The following RPS6KA5 variants were observed in gnomAD, a reference collection of about 807,000 sequenced individuals.
The protein encoded by RPS6KA5 is ribosomal protein S6 kinase A5, also known as ribosomal protein S6 kinase alpha-5.
In RPS6KA5, 27 loss-of-function variants were observed where a neutral mutation model predicts 85.5. The ratio of observed to expected loss-of-function variants is 0.32; its 90% CI spans 0.23 to 0.44. The LOEUF is 0.44. Among genes scored for constraint, RPS6KA5 ranks in the 20% least tolerant of loss-of-function variants. The pLI is 1.00. For synonymous variants in RPS6KA5, 334 were observed against 348.2 expected (o/e 0.96, Z 0.46); for missense variants, 811 against 980.9 (o/e 0.83, Z 2.31).
intron 14 of RPS6KA5, among the ~76,000 whole-genome samples, chr14:90,877,458 G>C (rs1426549738): frequency 6.6e-6 from 1 of 152,124 alleles, no homozygotes; most frequent in Non-Finnish European, 1.5e-5. Flanking sequence ...GCCTCCACCT[G>C]CCCCCAACCT....
intron 3 of RPS6KA5, among the ~76,000 whole-genome samples, chr14:90,965,361 G>A (rs28366395): frequency 0.01 from 1,589 of 152,218 alleles, 12 homozygotes; most frequent in South Asian, 0.034. Context: ...GCGACAGAGC[G>A]AGACTCTGTC....
intron 1 of RPS6KA5, among the ~76,000 whole-genome samples, chr14:91,004,713 A>G (rs2040936009): frequency 6.6e-6 from 1 of 151,914 alleles, no homozygotes; most frequent in Admixed American, 6.6e-5. Flanking sequence ...CACACCTGTA[A>G]TCCCAACACT....
At chr14:91,059,265 G>A (rs2043502191) in intron 1 of RPS6KA5, among the ~76,000 whole-genome samples, 1 of 147,382 alleles carries the variant, frequency 6.8e-6, no homozygotes, top group Admixed American at 7.1e-5. Context: ...GCTTGAACCC[G>A]GGAGGCGGAG....
intron 6 of RPS6KA5, among the ~76,000 whole-genome samples, chr14:90,922,286 C>T (rs1021145344): frequency 3.9e-5 from 6 of 152,056 alleles, no homozygotes; most frequent in East Asian, 1.9e-4. Context: ...TATATGTTTC[C>T]GAATGTTTTT....
chr14:91,018,476 C>T (rs182541124), intron 1 of RPS6KA5, among the ~76,000 whole-genome samples: 6 of 152,328 alleles, frequency 3.9e-5, no homozygotes, highest in Middle Eastern at 3.4e-3. Context: ...TGTGGGTGGG[C>T]ACCACCATCC....
chr14:90,916,225 G>A (rs1232123295), intron 7 of RPS6KA5, among the ~76,000 whole-genome samples: 2 of 152,250 alleles, frequency 1.3e-5, no homozygotes, highest in Middle Eastern at 6.8e-3. Context: ...ACACCTTATA[G>A]AAGCTCCATC....
intron 14 of RPS6KA5, among the ~76,000 whole-genome samples, chr14:90,879,862 C>A (rs1333024242): frequency 6.7e-6 from 1 of 149,588 alleles, no homozygotes; most frequent in African/African-American, 2.5e-5. Flanking sequence ...CGGCTCACTG[C>A]AACCCCTGCC....
At chr14:90,921,429 T>C (rs1463246990) in intron 6 of RPS6KA5, among the ~76,000 whole-genome samples, 1 of 152,186 alleles carries the variant, frequency 6.6e-6, no homozygotes, top group Non-Finnish European at 1.5e-5. Flanking sequence ...ATGTAGAAAT[T>C]CTAGGAGTAA....
intron 1 of RPS6KA5, among the ~76,000 whole-genome samples, chr14:91,021,412 A>G (rs1462034198): frequency 6.6e-6 from 1 of 152,110 alleles, no homozygotes; most frequent in African/African-American, 2.4e-5. Flanking sequence ...AGGCTGAAGC[A>G]GGAGGATTGC....
intron 1 of RPS6KA5, among the ~76,000 whole-genome samples, chr14:91,034,583 T>A (rs2042322382): frequency 2.0e-5 from 3 of 152,128 alleles, no homozygotes; most frequent in Admixed American, 1.3e-4. Flanking sequence ...CGGTACTCTG[T>A]AAAATGGACC....
At position 90,862,741 on chromosome 14, in the gene RPS6KA5, G is replaced by T. The variant is rs1443393912; in HGVS notation, c.*9333C>A. 6.6e-6 allele frequency: 1 copy of T among 152,128 alleles called. No individual in the cohort carries two copies. Among genetic ancestry groups the T allele is most frequent in the Non-Finnish European group, 1.5e-5 (1 of 68,052 alleles). The allele number at this position is 152,128 out of a possible 1,614,324, so 9.4% of individuals were successfully genotyped here. On this transcript the variant is annotated 3_prime_UTR_variant, in exon 17 of 17. Coordinates refer to ENST00000614987, the MANE Select transcript of RPS6KA5 (RefSeq NM_004755.4). ...GCCTCCCAAAGTGTTGGGATTACAG[G>T]TGTGAGATACCACACCCAGTCTAGG...
intron 8 of RPS6KA5, among the ~76,000 whole-genome samples, chr14:90,904,106 T>C (rs760529132): frequency 9.4e-4 from 143 of 152,268 alleles, no homozygotes; most frequent in Admixed American, 7.9e-4. Flanking sequence ...ACCGCCACCA[T>C]GCCCGGCTAA....
intron 14 of RPS6KA5, among the ~76,000 whole-genome samples, chr14:90,879,735 C>T (rs1011103962): frequency 3.3e-5 from 5 of 151,656 alleles, no homozygotes; most frequent in African/African-American, 4.9e-5. Context: ...CTTCAGGTTT[C>T]GCTTTCCGGG....
chr14:90,994,385 G>C (rs2040426738), intron 2 of RPS6KA5, among the ~76,000 whole-genome samples: 1 of 150,294 alleles, frequency 6.7e-6, no homozygotes, highest in African/African-American at 2.4e-5. Context: ...CAATCTGTCT[G>C]GTCATTTTTT....
At chr14:90,879,233 C>T (rs1204392517) in intron 14 of RPS6KA5, among the ~76,000 whole-genome samples, 1 of 152,110 alleles carries the variant, frequency 6.6e-6, no homozygotes, top group Non-Finnish European at 1.5e-5. Flanking sequence ...CAGAATCTGC[C>T]CTGGGCAGTC....
In RPS6KA5 at chr14:90,969,607, G is replaced by A. The variant is rs147859534; in HGVS notation, c.394+8699C>T. ...AAGTCAGCTTGTAGGAGGGGAAGTCGTAGAGTTAACAGAAATCCTACATCT... is the reference window on the plus strand; with the variant it reads ...AAGTCAGCTTGTAGGAGGGGAAGTCATAGAGTTAACAGAAATCCTACATCT... On this transcript the variant is annotated intron_variant, in intron 3 of 16. Coordinates refer to ENST00000614987, the MANE Select transcript of RPS6KA5 (RefSeq NM_004755.4). 4.3e-3 allele frequency among the ~76,000 whole-genome samples: 648 copies of A among 152,318 alleles called. 2 individuals carry two copies. Among genetic ancestry groups the A allele is most frequent in the Non-Finnish European group, 7.3e-3 (499 of 68,030 alleles).
intron 1 of RPS6KA5, among the ~76,000 whole-genome samples, chr14:91,016,714 G>T (rs770293951): frequency 2.8e-4 from 43 of 152,030 alleles, no homozygotes; most frequent in Admixed American, 2.6e-3. Context: ...TTTGCTTGAA[G>T]GAAAAACGAC....
intron 2 of RPS6KA5, among the ~76,000 whole-genome samples, chr14:91,000,523 G>A (rs770475109): frequency 2.6e-5 from 4 of 152,164 alleles, no homozygotes; most frequent in Non-Finnish European, 5.9e-5. Flanking sequence ...CTGGCTGGGC[G>A]CAGTGGCTCA....
intron 3 of RPS6KA5, among the ~76,000 whole-genome samples, chr14:90,974,330 A>C (rs1566813596): frequency 6.6e-6 from 1 of 152,226 alleles, no homozygotes; most frequent in Non-Finnish European, 1.5e-5. Flanking sequence ...GGAATAAGTT[A>C]AAAGATACTA....
Sources: allele counts gnomAD v4.1 joint callset (sites outside exome capture counted in the v4.1 genomes callset), GRCh38; gene constraint gnomAD v4.1.1; transcripts MANE v1.5; gene names NCBI Gene and HGNC (gene_info 2026-07-23, HGNC 2026-07-21).